Variants in CSF2RA observed in about 807,000 individuals in gnomAD.
CSF2RA encodes the protein colony stimulating factor 2 receptor subunit alpha.
A neutral mutation model predicts 51.6 loss-of-function variants in CSF2RA; 42 were observed. The ratio of observed to expected loss-of-function variants is 0.81; its 90% CI spans 0.64 to 1.05. The LOEUF (loss-of-function observed/expected upper bound fraction) is 1.05. CSF2RA is among the 50% of genes least tolerant of loss of function. The pLI is 0.00. For missense variants in CSF2RA, 530 were observed against 501.1 expected (o/e 1.06, Z -0.55); for synonymous variants, 222 against 193.0 (o/e 1.15, Z -1.24).
At chrX:1,297,784 G>A (rs1250037358) in intron 9 of CSF2RA, among the ~76,000 whole-genome samples, 5 of 106,430 alleles carry the variant, frequency 4.7e-5, no homozygotes, top group African/African-American at 1.8e-4. Flanking sequence ...AACCCCCGGT[G>A]GAACCCTACA....
chrX:1,325,171 C>T, the CSF2RA span, among the ~76,000 whole-genome samples: 1 of 150,000 alleles, frequency 6.7e-6, no homozygotes, highest in Admixed American at 6.7e-5. Context: ...CCAGCCTGGC[C>T]AACGTGTTGA....
intron 3 of CSF2RA, among the ~76,000 whole-genome samples, chrX:1,285,237 T>A (rs1469793583): frequency 3.9e-5 from 6 of 152,072 alleles, no homozygotes; most frequent in Middle Eastern, 3.4e-3. Context: ...AGTAGAAATC[T>A]CCTTTTTCAG....
At chrX:1,289,907 GTGTTTTGTTTTTGTGTTT>G (rs1286723968) in intron 6 of CSF2RA, among the ~76,000 whole-genome samples, 3 of 53,050 alleles carry the variant, frequency 5.7e-5, no homozygotes, top group African/African-American at 1.3e-4. Flanking sequence ...TTGTGTTTTT[GTGTTTTGTTTTTGTGTTT>G]TGTTTTGTTT....
At chrX:1,283,910 G>A (rs777248410) in intron 3 of CSF2RA, among the ~76,000 whole-genome samples, 69 of 152,180 alleles carry the variant, frequency 4.5e-4, no homozygotes, top group African/African-American at 1.5e-3. Context: ...TGTGACTGGC[G>A]TGGAATGATA....
intron 7 of CSF2RA, among the ~76,000 whole-genome samples, chrX:1,293,010 A>G (rs2091547666): frequency 1.3e-5 from 2 of 152,136 alleles, no homozygotes; most frequent in Non-Finnish European, 1.5e-5. Flanking sequence ...AGAATGGAGA[A>G]TGGCGATGAC....
At chrX:1,287,769 G>C (rs748297081) in intron 4 of CSF2RA, among the ~76,000 whole-genome samples, 5 of 94,808 alleles carry the variant, frequency 5.3e-5, no homozygotes, top group East Asian at 3.7e-4. Flanking sequence ...TGGAGTCTCT[G>C]TCTGTCACCC....
At chrX:1,314,332 C>CTAA (rs2084349340), downstream of CSF2RA, among the ~76,000 whole-genome samples, 3 of 134,536 alleles carry the variant, frequency 2.2e-5, no homozygotes, top group African/African-American at 8.5e-5. Flanking sequence ...CTGCACCTGC[C>CTAA]CAACCCCACT....
rs541827526 is a variant in CSF2RA, at chrX:1,290,323, T to G, written c.474-14T>G. The G allele has an allele frequency of 6.2e-7, 1 of 1,611,236 alleles. No individual in the cohort carries two copies. The highest frequency in any genetic ancestry group is 1.7e-5 in the Admixed American group (1 of 59,968). On this transcript the variant is annotated splice_polypyrimidine_tract_variant and intron_variant, in intron 6 of 12. Coordinates refer to ENST00000381529, the MANE Select transcript of CSF2RA (RefSeq NM_172245.4). ...TTTTCCTGATTGCTCTCTGAGCACT[T>G]TCTAATCTTTCAGGAGAAGGAGGGA...
At chrX:1,301,162 A>G (rs1436452141) in intron 10 of CSF2RA, among the ~76,000 whole-genome samples, 3 of 141,448 alleles carry the variant, frequency 2.1e-5, no homozygotes, top group African/African-American at 8.2e-5. Context: ...CAAAAAAAAA[A>G]AGAAAAAAAA....
chrX:1,288,229 C>T (rs1194887099), intron 4 of CSF2RA, among the ~76,000 whole-genome samples: 1 of 151,474 alleles, frequency 6.6e-6, no homozygotes, highest in African/African-American at 2.4e-5. Context: ...CGCCTGTAAT[C>T]CCAGCACTTT....
chrX:1,271,062 G>T (rs1178717178), intron 1 of CSF2RA, among the ~76,000 whole-genome samples: 2 of 151,748 alleles, frequency 1.3e-5, no homozygotes, highest in Non-Finnish European at 2.9e-5. Context: ...TTTTAAAAAA[G>T]ACAGAAATGA....
At chrX:1,288,222 C>T (rs1489638734) in intron 4 of CSF2RA, among the ~76,000 whole-genome samples, 2 of 151,622 alleles carry the variant, frequency 1.3e-5, no homozygotes, top group African/African-American at 4.8e-5. Flanking sequence ...TGGCTCACGC[C>T]TGTAATCCCA....
chrX:1,309,239 C>T (rs1375023480), intron 12 of CSF2RA, among the ~76,000 whole-genome samples, 163 bp from the exon 13 acceptor site: 3 of 151,894 alleles, frequency 2.0e-5, no homozygotes, highest in African/African-American at 4.8e-5. Flanking sequence ...CGCTTGAACC[C>T]GGGAGGCCGA....
chrX:1,294,595 C>T (rs2091737586), intron 8 of CSF2RA, 134 bp downstream of exon 8: 10 of 1,195,380 alleles, frequency 8.4e-6, no homozygotes, highest in East Asian at 7.4e-5. Flanking sequence ...CTGGGGTGAA[C>T]GCACTTCGGG....
downstream of CSF2RA, among the ~76,000 whole-genome samples, chrX:1,315,214 G>C (rs1364678293): frequency 6.6e-6 from 1 of 152,014 alleles, no homozygotes; most frequent in East Asian, 1.9e-4. Context: ...ATGAGGACAG[G>C]TGTGGTGAAA....
chrX:1,273,932 C>A (rs1489765393), intron 1 of CSF2RA, among the ~76,000 whole-genome samples: 1 of 151,848 alleles, frequency 6.6e-6, no homozygotes, highest in Non-Finnish European at 1.5e-5. Flanking sequence ...CTTGTTATAC[C>A]GTGGAGCCCT....
chrX:1,275,378 G>A (rs185341890), intron 2 of CSF2RA, among the ~76,000 whole-genome samples: 86 of 151,754 alleles, frequency 5.7e-4, no homozygotes, highest in African/African-American at 1.9e-3. Flanking sequence ...GCAACAGAGC[G>A]ACAGTCCGTC....
Position 1,294,560 on chromosome X carries a change from G to T in CSF2RA, c.780+99G>T, listed in dbSNP as rs1211206199. 3 of 1,528,318 alleles carry T rather than the reference G, an allele frequency of 2.0e-6. No individual in the cohort carries two copies. In the African/African-American group the frequency reaches 4.1e-5, roughly 21 times the overall value. The allele number at this position is 1,528,318 out of a possible 1,614,324, so 94.7% of individuals were successfully genotyped here. A position where few individuals can be genotyped will look rare whatever the true frequency, so the allele number is the denominator to read the frequency against. On this transcript the variant is annotated intron_variant, in intron 8 of 12. Coordinates refer to ENST00000381529, the MANE Select transcript of CSF2RA (RefSeq NM_172245.4). ...TCCCGGGGAAGTGGCCTGGGGGAAGGATGCGTGGGTGGTGAGCGGTGACTC... is the reference window on the plus strand; with the variant it reads ...TCCCGGGGAAGTGGCCTGGGGGAAGTATGCGTGGGTGGTGAGCGGTGACTC...
At chrX:1,310,093 G>C, downstream of CSF2RA, 1 of 311,490 alleles carries the variant, frequency 3.2e-6, no homozygotes, top group Non-Finnish European at 5.8e-6. Context: ...TATCTGGGAG[G>C]CTGAGGCGGG....
Sources: allele counts gnomAD v4.1 joint callset (sites outside exome capture counted in the v4.1 genomes callset), GRCh38; gene constraint gnomAD v4.1.1; transcripts MANE v1.5; gene names NCBI Gene and HGNC (gene_info 2026-07-23, HGNC 2026-07-21).